Variants in CEP350 observed in about 807,000 individuals in gnomAD.
The protein encoded by CEP350 is centrosome-associated protein 350.
CEP350 carries 126 observed loss-of-function variants against 331.8 expected under a neutral mutation model. The observed-to-expected ratio is 0.38, with a 90% CI of 0.33 to 0.44. CEP350 has a LOEUF of 0.44. Ranked by LOEUF, CEP350 falls within the 20% of genes least tolerant of loss-of-function variation. The probability of loss-of-function intolerance (pLI) is 1.00; values close to 1 mark genes in which losing one functional copy is unlikely to be tolerated. For missense variants in CEP350, 3,406 were observed against 3,634.6 expected, an observed-to-expected ratio of 0.94 and a Z score of 1.62; for synonymous variants, 1,200 against 1,259.5, an observed-to-expected ratio of 0.95 and a Z score of 1.00.
At chr1:180,007,106 A>G (rs1017372476) in intron 8 of CEP350, among the ~76,000 whole-genome samples, 4 of 152,308 alleles carry the variant, frequency 2.6e-5, no homozygotes, top group South Asian at 2.1e-4. Flanking sequence ...ATGATTTACA[A>G]TCCTTTGGGT....
chr1:180,090,545 C>CAAAA (rs36128628), intron 32 of CEP350, among the ~76,000 whole-genome samples, 169 bp from the exon 33 acceptor site: 8 of 77,350 alleles, frequency 1.0e-4, no homozygotes, highest in African/African-American at 3.3e-4. Context: ...GACTCCGTCT[C>CAAAA]AAAAAAAAAA....
At chr1:180,018,610 C>G (rs1393364887) in intron 11 of CEP350, among the ~76,000 whole-genome samples, 1 of 152,050 alleles carries the variant, frequency 6.6e-6, no homozygotes, top group Non-Finnish European at 1.5e-5. Flanking sequence ...TTATTATTAC[C>G]CTGGTTACCC....
chr1:180,029,996 T>G (rs1362280533), intron 14 of CEP350, among the ~76,000 whole-genome samples: 4 of 152,146 alleles, frequency 2.6e-5, no homozygotes, highest in Non-Finnish European at 5.9e-5. Flanking sequence ...GTCAGAATGT[T>G]CTTCCTTTTA....
At chr1:180,006,004 T>C (rs1316746662) in intron 7 of CEP350, among the ~76,000 whole-genome samples, 1 of 152,184 alleles carries the variant, frequency 6.6e-6, no homozygotes, top group Admixed American at 6.5e-5. Context: ...TAAAATACCT[T>C]GACATGTTTC....
At chr1:180,008,489 T>C (rs1319446606) in intron 8 of CEP350, among the ~76,000 whole-genome samples, 1 of 152,208 alleles carries the variant, frequency 6.6e-6, no homozygotes, top group Non-Finnish European at 1.5e-5. Context: ...TATTTCTGGC[T>C]ATATTGAAAA....
Position 180,084,142 on chromosome 1 carries a change from G to A in CEP350, c.6249G>A (p.Leu2083=). Reference sequence around the variant, plus strand: ...AGAAAAAAAGGCAAAAGGAAAGACTGAAAGCCCAAGAAGCCAGTCTGATCA... The same window carrying A: ...AGAAAAAAAGGCAAAAGGAAAGACTAAAAGCCCAAGAAGCCAGTCTGATCA... ...KEQKKRQKER[L]KAQEASLIKQ... Residue 2083 remains leucine, a synonymous_variant, in exon 31 of 38, where the codon CTG becomes CTA. Coordinates refer to ENST00000367607, the MANE Select transcript of CEP350 (RefSeq NM_014810.5). The A allele has an allele frequency of 6.3e-7, 1 of 1,585,848 alleles. No individual in the cohort carries two copies. The highest frequency in any genetic ancestry group is 8.6e-7 in the Non-Finnish European group (1 of 1,165,562).
At position 180,094,463 on chromosome 1, in the gene CEP350, G is replaced by A. The variant is rs1409936017; in HGVS notation, c.8358G>A (p.Gln2786=). The A allele has an allele frequency of 6.2e-7, 1 of 1,613,836 alleles. No individual in the cohort carries two copies. The highest frequency in any genetic ancestry group is 1.7e-5 in the Admixed American group (1 of 60,008). Residue 2786 remains glutamine (Q), a synonymous_variant, in exon 34 of 38, where the codon CAG becomes CAA. Transcript: ENST00000367607. ...TRDEKIQLSN[Q]ELLGDDQKKV... ...ATGAGAAAATCCAGCTTAGCAATCAGGAGCTTCTTGGTGATGACCAAAAGA... is the reference window on the plus strand; with the variant it reads ...ATGAGAAAATCCAGCTTAGCAATCAAGAGCTTCTTGGTGATGACCAAAAGA...
Position 180,094,127 on chromosome 1 carries a change from A to G in CEP350, c.8022A>G (p.Thr2674=). Residue 2674 remains threonine, a synonymous_variant, in exon 34 of 38, where the codon ACA becomes ACG. Transcript: ENST00000367607. ...ACAAAGACCTCATTTCTGATGCCAC[A>G]GAAAAGGTTTCCATCGCTGCAGAAG... The part of the protein sequence containing the change: ...KENKDLISDA[T]EKVSIAAEDD... 1 of 1,613,860 alleles carries G rather than the reference A, an allele frequency of 6.2e-7. No individual in the cohort carries two copies.
chr1:180,022,588 G>A, intron 12 of CEP350, 110 bp from the exon 13 acceptor site: 1 of 842,590 alleles, frequency 1.2e-6, no homozygotes, highest in East Asian at 2.7e-5. Context: ...ACTATTAAAG[G>A]AAACTAAAAT....
rs78244411 is a variant in CEP350, at chr1:180,041,497, A to G, written c.4222-165A>G. ...GTTGTATTTATTTATCCACAGATACAGTAACTTGTGAACAGTAGAGTTAAG... is the reference window on the plus strand; with the variant it reads ...GTTGTATTTATTTATCCACAGATACGGTAACTTGTGAACAGTAGAGTTAAG... On this transcript the variant is annotated intron_variant, in intron 18 of 37. Coordinates refer to ENST00000367607, the MANE Select transcript of CEP350 (RefSeq NM_014810.5). Among the ~76,000 whole-genome samples, 822 of 152,360 alleles carry G rather than the reference A, an allele frequency of 5.4e-3. 11 individuals are homozygous for G. Among genetic ancestry groups the G allele is most frequent in the African/African-American group, 0.018 (766 of 41,584 alleles).
At chr1:180,077,278 TATATA>T (rs1659280570) in intron 28 of CEP350, among the ~76,000 whole-genome samples, 1 of 151,904 alleles carries the variant, frequency 6.6e-6, no homozygotes, top group Admixed American at 6.6e-5. Context: ...ATAGAAACAA[TATATA>T]ATAGAAACAA....
intron 1 of CEP350, among the ~76,000 whole-genome samples, chr1:179,980,644 A>G (rs1166012689): frequency 6.6e-6 from 1 of 152,058 alleles, no homozygotes; most frequent in East Asian, 1.9e-4. Context: ...AAGCTCATTC[A>G]TGGATTACTA....
chr1:180,047,900 T>C lies in CEP350; in HGVS notation c.4623-636T>C, dbSNP rs181002366. 7.9e-5 allele frequency among the ~76,000 whole-genome samples: 12 copies of C among 151,546 alleles called. No homozygotes were observed. In the East Asian group the frequency reaches 2.3e-3, roughly 29 times the overall value. ...GGAAAAGCAGGTGAGAGTAAAATCATAGGATATAAGAAGGGAGGGCTCTTT... is the reference window on the plus strand; with the variant it reads ...GGAAAAGCAGGTGAGAGTAAAATCACAGGATATAAGAAGGGAGGGCTCTTT... On this transcript the variant is annotated intron_variant, in intron 21 of 37. Coordinates refer to ENST00000367607, the MANE Select transcript of CEP350 (RefSeq NM_014810.5).
intron 33 of CEP350, among the ~76,000 whole-genome samples, chr1:180,091,023 G>A (rs976344949): frequency 5.4e-5 from 8 of 147,048 alleles, no homozygotes; most frequent in Non-Finnish European, 8.9e-5. Context: ...TTTTTTGTTC[G>A]AGACAGGGTC....
chr1:180,056,711 G>A (rs1657872266), intron 25 of CEP350, among the ~76,000 whole-genome samples: 2 of 151,734 alleles, frequency 1.3e-5, no homozygotes, highest in African/African-American at 2.4e-5. Flanking sequence ...ATCCCCCCAC[G>A]TTGGCCTCCC....
At chr1:180,005,411 G>A (rs1458426858) in intron 7 of CEP350, among the ~76,000 whole-genome samples, 5 of 149,704 alleles carry the variant, frequency 3.3e-5, no homozygotes, top group Admixed American at 6.7e-5. Context: ...TCACACCCCC[G>A]CCTCATATTT....
intron 1 of CEP350, chr1:179,968,732 G>A (rs1018008186): frequency 1.0e-5 from 6 of 593,112 alleles, no homozygotes; most frequent in African/African-American, 9.2e-5. Flanking sequence ...GATGGCACCA[G>A]CCTTGACTTC....
intron 10 of CEP350, among the ~76,000 whole-genome samples, chr1:180,015,453 C>G (rs1236958467): frequency 6.6e-6 from 1 of 152,004 alleles, no homozygotes; most frequent in Non-Finnish European, 1.5e-5. Context: ...CCAGGATGGT[C>G]TCGATCTCCT....
rs1206882045 is a variant in CEP350, at chr1:179,987,261, A to T, written c.95A>T (p.Asp32Val). ...CCAGCAGATATAACCACATCGTGGG[A>T]TGCACTTTCTCAAACCAAGGCTGCT... ...TVQADITTSW[D>V]ALSQTKAALR... Residue 32 changes from aspartate (D) to valine (V), a missense_variant, in exon 3 of 38, where the codon GAT (aspartate) becomes GTT (valine). This residue lies in a region of CEP350 where 1,857 missense variants were observed against 1,909.2 expected (regional missense o/e 0.97). Coordinates refer to ENST00000367607, the MANE Select transcript of CEP350 (RefSeq NM_014810.5). 1.3e-6 allele frequency: 2 copies of T among 1,566,958 alleles called. No individual in the cohort carries two copies. Among genetic ancestry groups the T allele is most frequent in the Non-Finnish European group, 1.7e-6 (2 of 1,143,440 alleles).
Sources: gnomAD v4.1 joint callset for allele counts (sites outside exome capture counted in the v4.1 genomes callset) on GRCh38, gnomAD v4.1.1 for gene constraint, gnomAD v4.1.1 regional missense constraint, MANE v1.5 for transcripts, NCBI Gene and HGNC (gene_info 2026-07-23, HGNC 2026-07-21) for gene names.